Variants in PTPN14 observed in about 807,000 individuals in gnomAD.
The protein encoded by PTPN14 is tyrosine-protein phosphatase non-receptor type 14.
PTPN14 carries 53 observed loss-of-function variants against 126.8 expected under a neutral mutation model. The ratio of observed to expected loss-of-function variants is 0.42; its 90% confidence interval spans 0.34 to 0.53. The LOEUF (loss-of-function observed/expected upper bound fraction) is 0.53, where lower values mean the gene tolerates loss of function less well. Among genes scored for constraint, PTPN14 ranks in the 20% least tolerant of loss-of-function variants. The pLI is 0.08. For missense variants in PTPN14, 1,257 were observed against 1,552.9 expected, an observed-to-expected ratio of 0.81 and a Z score of 3.20; for synonymous variants, 630 against 599.3, an observed-to-expected ratio of 1.05 and a Z score of -0.75.
chr1:214,501,470 G>A (rs973427136), intron 1 of PTPN14, among the ~76,000 whole-genome samples: 1 of 151,972 alleles, frequency 6.6e-6, no homozygotes, highest in African/African-American at 2.4e-5. Context: ...TTGAACTCCT[G>A]ACCTCAAGTG....
intron 2 of PTPN14, among the ~76,000 whole-genome samples, chr1:214,459,759 G>A (rs993099936): frequency 5.9e-5 from 9 of 152,064 alleles, no homozygotes; most frequent in Non-Finnish European, 8.8e-5. Flanking sequence ...AAGCCACCAC[G>A]CCTGGCCGAT....
rs777080524 is a variant in PTPN14, at chr1:214,355,727, T to C, written c.*2195A>G. On this transcript the variant is annotated 3_prime_UTR_variant, in exon 19 of 19. Coordinates refer to ENST00000366956, the MANE Select transcript of PTPN14 (RefSeq NM_005401.5). The stretch of plus-strand genomic sequence containing the variant: ...CCAGGTTGAAACAGAGGATTCCTAT[T>C]CCGAAGAACTTAATGGGGAATATAT... The C allele has an allele frequency of 6.6e-6, 1 of 152,050 alleles. No homozygotes were observed. The highest frequency in any genetic ancestry group is 1.5e-5 in the Non-Finnish European group (1 of 67,994). 9.4% of individuals were successfully genotyped at this position (152,050 alleles called of 1,614,324 possible).
chr1:214,377,933 G>A lies in PTPN14; in HGVS notation c.2688+26C>T, dbSNP rs3013451. On this transcript the variant is annotated intron_variant, in intron 14 of 18. Transcript: ENST00000366956. ...GGGATCCTAAGACTACAGAGAATGA[G>A]TCACATTGACAAGCCTGCCACTTAC... 1,264,703 of 1,603,502 alleles carry A rather than the reference G, an allele frequency of 0.79. 501,662 individuals carry two copies. Among genetic ancestry groups the A allele is most frequent in the African/African-American group, 0.95 (70,367 of 74,390 alleles).
intron 1 of PTPN14, chr1:214,483,051 C>T (rs1175535526): frequency 3.1e-5 from 50 of 1,608,884 alleles, no homozygotes; most frequent in Non-Finnish European, 4.2e-5. Context: ...ACCTTGTCTA[C>T]ATGGAAAATC....
chr1:214,420,010 C>T (rs1047305372), intron 3 of PTPN14, among the ~76,000 whole-genome samples: 1 of 152,180 alleles, frequency 6.6e-6, no homozygotes, highest in Non-Finnish European at 1.5e-5. Context: ...TCTAATAATG[C>T]GTTTGGTACC....
chr1:214,489,152 TATG>T (rs2102415205), intron 1 of PTPN14, among the ~76,000 whole-genome samples: 1 of 152,330 alleles, frequency 6.6e-6, no homozygotes, highest in East Asian at 1.9e-4. Flanking sequence ...ACTGAGCATT[TATG>T]ATGTGTCAAG....
intron 1 of PTPN14, among the ~76,000 whole-genome samples, chr1:214,520,065 A>AAAAAAAAAAAATATATAT: frequency 2.8e-5 from 2 of 71,110 alleles, no homozygotes; most frequent in Non-Finnish European, 2.4e-5. Context: ...AAAAAAAAAA[A>AAAAAAAAAAAATATATAT]ATATATATAT....
chr1:214,379,840 TAAAATGTATAAA>T (rs1441128249), intron 13 of PTPN14, among the ~76,000 whole-genome samples: 1 of 152,228 alleles, frequency 6.6e-6, no homozygotes. Flanking sequence ...CATGTCTCCC[TAAAATGTATAAA>T]ACCAAGCCAT....
At chr1:214,458,741 G>A (rs183070180) in intron 2 of PTPN14, among the ~76,000 whole-genome samples, 12 of 152,184 alleles carry the variant, frequency 7.9e-5, no homozygotes, top group South Asian at 2.1e-4. Flanking sequence ...TTTTTAAACC[G>A]TGAGAATTAG....
intron 16 of PTPN14, among the ~76,000 whole-genome samples, chr1:214,371,776 T>C (rs138474558): frequency 1.8e-4 from 28 of 152,332 alleles, no homozygotes; most frequent in African/African-American, 6.7e-4. Context: ...GAAGTACAAC[T>C]GGCTTTAAAG....
intron 1 of PTPN14, chr1:214,533,269 G>T (rs955985654): frequency 1.5e-5 from 9 of 610,678 alleles, no homozygotes; most frequent in South Asian, 4.6e-5. Flanking sequence ...GGAGTGCGAG[G>T]CCCTGCTGAA....
intron 1 of PTPN14, among the ~76,000 whole-genome samples, chr1:214,491,573 G>T (rs1342746177): frequency 2.0e-5 from 3 of 152,190 alleles, no homozygotes; most frequent in African/African-American, 7.2e-5. Flanking sequence ...TCTCCTATGA[G>T]AATCAACTGC....
At chr1:214,380,534 C>G (rs981532714) in intron 13 of PTPN14, among the ~76,000 whole-genome samples, 4 of 152,156 alleles carry the variant, frequency 2.6e-5, no homozygotes, top group African/African-American at 9.7e-5. Context: ...GCAGTAGGAG[C>G]CAGAATGAGA....
At chr1:214,547,226 T>G (rs765625659) in intron 1 of PTPN14, among the ~76,000 whole-genome samples, 3 of 152,152 alleles carry the variant, frequency 2.0e-5, no homozygotes, top group African/African-American at 7.2e-5. Context: ...TCCTCTCCCC[T>G]CCTATTACAA....
rs139417544 is a variant in PTPN14 at position 214,350,176 on chromosome 1, G to C, written c.*7746C>G. ...GCTAATCTTTCCCCTTCCTAGGTAA[G>C]TGAAAACAGATAAAATGTTTCTGGG... On this transcript the variant is annotated 3_prime_UTR_variant, in exon 19 of 19. Coordinates refer to ENST00000366956, the MANE Select transcript of PTPN14 (RefSeq NM_005401.5). 1 of 152,202 alleles carries C rather than the reference G, an allele frequency of 6.6e-6. No homozygotes were observed. Among genetic ancestry groups the C allele is most frequent in the African/African-American group, 2.4e-5 (1 of 41,444 alleles). The allele number at this position is 152,202 out of a possible 1,614,324, so 9.4% of individuals were successfully genotyped here.
Position 214,374,560 on chromosome 1 carries a change from T to A in PTPN14, c.2907+1659A>T, listed in dbSNP as rs150946978. Among the ~76,000 whole-genome samples, 521 of 152,348 alleles carry A rather than the reference T, an allele frequency of 3.4e-3. 2 individuals are homozygous for A. Among genetic ancestry groups the A allele is most frequent in the Middle Eastern group, 0.01 (3 of 294 alleles). ...GCTGCTGAGGTAGATTTCACACATG[T>A]GATTCCACCTCTGGAGCAAATAAAT... On this transcript the variant is annotated intron_variant, in intron 15 of 18. Transcript: ENST00000366956.
chr1:214,482,663 T>C (rs1661019654), intron 1 of PTPN14: 17 of 749,414 alleles, frequency 2.3e-5, no homozygotes, highest in Admixed American at 6.6e-5. Flanking sequence ...CATACTGATT[T>C]TACACAACTT....
In PTPN14 at chr1:214,397,567, T is replaced by C. The variant is rs145529270; in HGVS notation, c.758+346A>G. ...CACCTTTTGTTCACATAAAAATCAGTTGGCACTCTTGTGGCACAGGTGGTT... is the reference window on the plus strand; with the variant it reads ...CACCTTTTGTTCACATAAAAATCAGCTGGCACTCTTGTGGCACAGGTGGTT... On this transcript the variant is annotated intron_variant, in intron 8 of 18. Transcript: ENST00000366956. Among the ~76,000 whole-genome samples, 405 of 152,322 alleles carry C rather than the reference T, an allele frequency of 2.7e-3. 3 individuals are homozygous for C. The highest frequency in any genetic ancestry group is 9.3e-3 in the African/African-American group (385 of 41,574).
chr1:214,473,339 A>G (rs1006447020), intron 1 of PTPN14, among the ~76,000 whole-genome samples: 2 of 152,236 alleles, frequency 1.3e-5, no homozygotes, highest in Non-Finnish European at 2.9e-5. Flanking sequence ...TTAGTCTTTT[A>G]TTGAATTACC....
Sources: gnomAD v4.1 joint callset for allele counts (sites outside exome capture counted in the v4.1 genomes callset) on GRCh38, gnomAD v4.1.1 for gene constraint, MANE v1.5 for transcripts, NCBI Gene and HGNC (gene_info 2026-07-23, HGNC 2026-07-21) for gene names.